Variants in AK4 observed in about 807,000 individuals in gnomAD.
The protein encoded by AK4 is adenylate kinase 4, mitochondrial.
In AK4, 13 loss-of-function variants were observed where a neutral mutation model predicts 24.6. The ratio of observed to expected loss-of-function variants is 0.53; its 90% CI spans 0.34 to 0.84. The LOEUF (loss-of-function observed/expected upper bound fraction) is 0.84, where lower values mean the gene tolerates loss of function less well. Among genes scored for constraint, AK4 ranks in the 40% least tolerant of loss-of-function variants. The pLI is 0.01. For synonymous variants in AK4, 88 were observed against 107.0 expected, an observed-to-expected ratio of 0.82 and a Z score of 1.10; for missense variants, 192 against 288.2, an observed-to-expected ratio of 0.67 and a Z score of 2.42.
At chr1:65,205,313 A>C (rs1651780397) in intron 2 of AK4, among the ~76,000 whole-genome samples, 1 of 152,110 alleles carries the variant, frequency 6.6e-6, no homozygotes, top group African/African-American at 2.4e-5. Flanking sequence ...TCGTGTTAAT[A>C]GCTTGCTGCA....
At chr1:65,201,231 G>GTA (rs1396349098) in intron 2 of AK4, among the ~76,000 whole-genome samples, 2 of 152,186 alleles carry the variant, frequency 1.3e-5, no homozygotes, top group Non-Finnish European at 2.9e-5. Flanking sequence ...TGAGCTCAGA[G>GTA]TAGCTGACTG....
chr1:65,196,782 A>G (rs942096496), intron 2 of AK4, among the ~76,000 whole-genome samples: 3 of 152,060 alleles, frequency 2.0e-5, no homozygotes, highest in African/African-American at 7.2e-5. Flanking sequence ...TCACTTTTTT[A>G]AAAAAGGGTC....
intron 3 of AK4, among the ~76,000 whole-genome samples, chr1:65,220,360 C>T (rs368056755): frequency 1.3e-5 from 2 of 152,186 alleles, no homozygotes; most frequent in Non-Finnish European, 2.9e-5. Flanking sequence ...ATAAATGTTT[C>T]TATTTCTCCA....
chr1:65,182,197 T>C (rs1269310461), intron 1 of AK4, among the ~76,000 whole-genome samples: 2 of 152,186 alleles, frequency 1.3e-5, no homozygotes, highest in East Asian at 3.9e-4. Flanking sequence ...TTGGGATTAC[T>C]GGTGTGAGCT....
intron 1 of AK4, among the ~76,000 whole-genome samples, chr1:65,184,128 C>T (rs1479232126): frequency 6.6e-6 from 1 of 151,976 alleles, no homozygotes; most frequent in Non-Finnish European, 1.5e-5. Flanking sequence ...TCAAGGTTAC[C>T]AAGATTATAT....
intron 1 of AK4, chr1:65,166,163 C>T (rs950743903): frequency 2.0e-5 from 3 of 152,048 alleles, no homozygotes; most frequent in South Asian, 2.1e-4. Context: ...CAGATGGGGT[C>T]GTCTGTGTAA....
chr1:65,147,761 G>T (rs1179024445), upstream of AK4: 2 of 152,348 alleles, frequency 1.3e-5, no homozygotes, highest in African/African-American at 4.8e-5. Flanking sequence ...ACCCCGGGCG[G>T]AGGTGGGCCC....
intron 1 of AK4, among the ~76,000 whole-genome samples, chr1:65,154,861 T>C (rs1350569749): frequency 6.6e-6 from 1 of 151,862 alleles, no homozygotes; most frequent in Non-Finnish European, 1.5e-5. Flanking sequence ...AATTTTTTTT[T>C]TTTTTTAAGA....
rs778717895 is a variant in AK4 at position 65,230,404 on chromosome 1, C to T, written c.*4227C>T. The stretch of plus-strand genomic sequence containing the variant: ...ACCTGAGTTCAGTATTTGACATTAG[C>T]TTTTTGTCCAAAGAGTTGAAGCCTG... On this transcript the variant is annotated 3_prime_UTR_variant, in exon 5 of 5. Coordinates refer to ENST00000327299, the MANE Select transcript of AK4 (RefSeq NM_013410.4). 4 of 152,150 alleles carry T rather than the reference C, an allele frequency of 2.6e-5. No homozygotes were observed. Among genetic ancestry groups the T allele is most frequent in the Non-Finnish European group, 4.4e-5 (3 of 68,032 alleles). The allele number at this position is 152,150 out of a possible 1,614,324, so 9.4% of individuals were successfully genotyped here. A position where few individuals can be genotyped will look rare whatever the true frequency, so the allele number is the denominator to read the frequency against.
At chr1:65,190,628 G>A in intron 1 of AK4, 82 bp from the exon 2 acceptor site, 1 of 1,505,934 alleles carries the variant, frequency 6.6e-7, no homozygotes. Flanking sequence ...GAAGGATGGA[G>A]AGAAGGCAAA....
chr1:65,219,070 T>C (rs1037084850), intron 3 of AK4, 144 bp downstream of exon 3: 5 of 535,260 alleles, frequency 9.3e-6, no homozygotes, highest in Non-Finnish European at 1.2e-5. Flanking sequence ...TGTTCAAATG[T>C]AGTTGTCAGG....
chr1:65,158,803 G>A lies in AK4; in HGVS notation c.145+10251G>A, dbSNP rs562344611. 6.6e-5 allele frequency among the ~76,000 whole-genome samples: 10 copies of A among 152,048 alleles called. No individual in the cohort carries two copies. In the East Asian group the frequency reaches 1.5e-3, roughly 24 times the overall value. On this transcript the variant is annotated intron_variant, in intron 1 of 4. Transcript: ENST00000327299. ...ATTACAGGTGTGAGCCACTGCACCCGGCCCAAACTAGATTTTTTTTAAAAA... is the reference window on the plus strand; with the variant it reads ...ATTACAGGTGTGAGCCACTGCACCCAGCCCAAACTAGATTTTTTTTAAAAA...
rs774166266 is a variant in AK4 at position 65,218,937 on chromosome 1, A to G, written c.438+11A>G. 1.1e-5 allele frequency: 17 copies of G among 1,539,978 alleles called. No individual in the cohort carries two copies. Among genetic ancestry groups the G allele is most frequent in the Non-Finnish European group, 1.5e-5 (17 of 1,145,098 alleles). On this transcript the variant is annotated intron_variant, in intron 3 of 4. Coordinates refer to ENST00000327299, the MANE Select transcript of AK4 (RefSeq NM_013410.4). The stretch of plus-strand genomic sequence containing the variant: ...CCACCTCATGTACATGTAAGAATAT[A>G]CAAAGTGCTTTCACAACCTGACAAG...
At chr1:65,206,414 C>T (rs1463860785) in intron 2 of AK4, among the ~76,000 whole-genome samples, 4 of 152,152 alleles carry the variant, frequency 2.6e-5, no homozygotes, top group Non-Finnish European at 5.9e-5. Context: ...ACAGTGGGAC[C>T]GGTTTTCCCC....
intron 3 of AK4, among the ~76,000 whole-genome samples, chr1:65,222,030 T>C (rs965909341): frequency 7.2e-5 from 11 of 152,100 alleles, no homozygotes; most frequent in African/African-American, 2.4e-4. Flanking sequence ...TCTACAGAGA[T>C]AGAAGGGGCT....
intron 2 of AK4, among the ~76,000 whole-genome samples, chr1:65,192,726 G>A (rs1252289390): frequency 6.6e-6 from 1 of 152,200 alleles, no homozygotes; most frequent in Non-Finnish European, 1.5e-5. Flanking sequence ...CTTCCAAAAT[G>A]CTATGGTAGG....
intron 1 of AK4, among the ~76,000 whole-genome samples, chr1:65,160,594 TA>T (rs1314318085): frequency 6.6e-6 from 1 of 151,942 alleles, no homozygotes; most frequent in African/African-American, 2.4e-5. Context: ...ACAAAAACAA[TA>T]AATTAAGTTT....
At chr1:65,152,490 C>T (rs185316693) in intron 1 of AK4, among the ~76,000 whole-genome samples, 1 of 143,694 alleles carries the variant, frequency 7.0e-6, no homozygotes, top group Admixed American at 7.1e-5. Context: ...GCAGCCTCCG[C>T]CTCCCAGGTT....
At chr1:65,215,243 C>T (rs1652096329) in intron 2 of AK4, among the ~76,000 whole-genome samples, 1 of 151,560 alleles carries the variant, frequency 6.6e-6, no homozygotes. Flanking sequence ...ACGATCTCTA[C>T]TCACTGCAAT....
Sources: allele counts gnomAD v4.1 joint callset (sites outside exome capture counted in the v4.1 genomes callset), GRCh38; gene constraint gnomAD v4.1.1; transcripts MANE v1.5; gene names NCBI Gene and HGNC (gene_info 2026-07-23, HGNC 2026-07-21).